Variants in CHLSN observed in about 807,000 individuals in gnomAD.
CHLSN encodes protein cholesin.
At chr7:1,091,977 G>A in the CHLSN span, 2 of 1,614,116 alleles carry the variant, frequency 1.2e-6, no homozygotes, top group Non-Finnish European at 1.7e-6. Flanking sequence ...TCCTGGTGGT[G>A]AACATCAGCT....
the CHLSN span, chr7:985,042 G>A: frequency 6.2e-7 from 1 of 1,612,448 alleles, no homozygotes; most frequent in Non-Finnish European, 8.5e-7. Context: ...GGAGCCGGTG[G>A]CTGACAAGAT....
the CHLSN span, among the ~76,000 whole-genome samples, chr7:1,128,735 T>C: frequency 4.0e-5 from 1 of 25,264 alleles, no homozygotes; most frequent in Non-Finnish European, 6.6e-5. Flanking sequence ...CATCCCACCC[T>C]GTCACCCGGG....
chr7:981,565 G>T, the CHLSN span, among the ~76,000 whole-genome samples: 80 of 150,438 alleles, frequency 5.3e-4, no homozygotes, highest in Non-Finnish European at 8.7e-4. Flanking sequence ...GATACAAAAA[G>T]TAGCCAGGTG....
At chr7:1,124,681 T>C in the CHLSN span, among the ~76,000 whole-genome samples, 2 of 148,984 alleles carry the variant, frequency 1.3e-5, no homozygotes, top group Non-Finnish European at 3.0e-5. Context: ...ACCTGCACAA[T>C]GTGCACATGT....
the CHLSN span, among the ~76,000 whole-genome samples, chr7:1,115,360 G>A: frequency 6.6e-6 from 1 of 152,224 alleles, no homozygotes; most frequent in African/African-American, 2.4e-5. Flanking sequence ...CCCCAGGCTC[G>A]CCCTCACCGG....
chr7:985,839 T>C, the CHLSN span, among the ~76,000 whole-genome samples: 1 of 152,220 alleles, frequency 6.6e-6, no homozygotes, highest in Non-Finnish European at 1.5e-5. Flanking sequence ...GATACCTGCA[T>C]CACGGCTGGA....
the CHLSN span, chr7:1,024,723 G>C: frequency 1.2e-4 from 18 of 152,186 alleles, no homozygotes; most frequent in Admixed American, 1.0e-3. Flanking sequence ...CTGGACGGGA[G>C]GGACACCCAG....
chr7:1,099,241 C>T, the CHLSN span, among the ~76,000 whole-genome samples: 4 of 150,914 alleles, frequency 2.7e-5, no homozygotes, highest in Non-Finnish European at 4.5e-5. Flanking sequence ...GCCTCGCTGT[C>T]GCGTTCCTGC....
At chr7:1,011,138 T>C in the CHLSN span, among the ~76,000 whole-genome samples, 1 of 122,194 alleles carries the variant, frequency 8.2e-6, no homozygotes, top group Non-Finnish European at 1.6e-5. Flanking sequence ...CCCTCACCCA[T>C]GTACCCACAC....
chr7:1,016,653 A>ACGCCAGCG, the CHLSN span, among the ~76,000 whole-genome samples: 8 of 77,024 alleles, frequency 1.0e-4, 1 homozygote, highest in Admixed American at 3.7e-4. Flanking sequence ...GCACAGCAGC[A>ACGCCAGCG]CACAGCAGCG....
chr7:982,334 C>T, the CHLSN span, among the ~76,000 whole-genome samples: 18 of 152,380 alleles, frequency 1.2e-4, no homozygotes, highest in South Asian at 8.3e-4. Context: ...GCATGGGCAA[C>T]GCCCCAGAGA....
At chr7:1,101,554 A>C in the CHLSN span, among the ~76,000 whole-genome samples, 1 of 152,088 alleles carries the variant, frequency 6.6e-6, no homozygotes, top group Admixed American at 6.5e-5. Context: ...TTCCTGAACA[A>C]CTTCTAGAGC....
At chr7:1,009,055 G>A in the CHLSN span, among the ~76,000 whole-genome samples, 264 of 114,782 alleles carry the variant, frequency 2.3e-3, no homozygotes, top group African/African-American at 6.7e-3. Context: ...ACACGTACAC[G>A]TGCACGTGCA....
the CHLSN span, among the ~76,000 whole-genome samples, chr7:1,135,516 C>T: frequency 6.6e-6 from 1 of 151,768 alleles, no homozygotes; most frequent in African/African-American, 2.4e-5. Flanking sequence ...CCTGTAATCC[C>T]AGCACTTTGG....
chr7:1,055,245 G>A, the CHLSN span: 1 of 471,014 alleles, frequency 2.1e-6, no homozygotes, highest in Non-Finnish European at 4.4e-6. Flanking sequence ...CGCCTGCCAA[G>A]GGAGGCAGAG....
At chr7:989,082 C>T in the CHLSN span, 164 of 451,958 alleles carry the variant, frequency 3.6e-4, 1 homozygote, top group African/African-American at 5.3e-4. Flanking sequence ...TCCAGGGCCC[C>T]GCCCACTCTC....
chr7:1,131,581 T>A, the CHLSN span, among the ~76,000 whole-genome samples: 1 of 152,228 alleles, frequency 6.6e-6, no homozygotes, highest in Non-Finnish European at 1.5e-5. Context: ...AGCCAGAGGC[T>A]ACAGATTTCA....
the CHLSN span, among the ~76,000 whole-genome samples, chr7:1,078,563 C>T: frequency 6.6e-6 from 1 of 151,790 alleles, no homozygotes; most frequent in Admixed American, 6.6e-5. Context: ...TGACCACAGG[C>T]GAGGCCTAAC....
the CHLSN span, among the ~76,000 whole-genome samples, chr7:1,015,328 C>T: frequency 3.3e-5 from 5 of 152,128 alleles, no homozygotes; most frequent in South Asian, 4.1e-4. Flanking sequence ...CTCCCCATCC[C>T]CCAGGCACCA....
Sources: gnomAD v4.1 joint callset for allele counts (sites outside exome capture counted in the v4.1 genomes callset) on GRCh38, gnomAD v4.1.1 for gene constraint, MANE v1.5 for transcripts, NCBI Gene and HGNC (gene_info 2026-07-23, HGNC 2026-07-21) for gene names.